The following KPNB1 variants were observed in gnomAD, a reference collection of about 807,000 sequenced individuals.
The protein encoded by KPNB1 is importin subunit beta-1.
KPNB1 carries 7 observed loss-of-function variants against 113.0 expected under a neutral mutation model. The observed-to-expected ratio is 0.06, with a 90% CI of 0.04 to 0.12. The LOEUF (loss-of-function observed/expected upper bound fraction) is 0.12. Among genes scored for constraint, KPNB1 ranks in the 10% least tolerant of loss-of-function variants. The pLI, the probability that KPNB1 is intolerant of heterozygous loss-of-function variation, is 1.00. For synonymous variants in KPNB1, 363 were observed against 378.6 expected, an observed-to-expected ratio of 0.96 and a Z score of 0.48; for missense variants, 400 against 1,054.8, an observed-to-expected ratio of 0.38 and a Z score of 8.60.
chr17:47,655,596 G>A (rs1915695949), intron 3 of KPNB1, among the ~76,000 whole-genome samples: 2 of 152,142 alleles, frequency 1.3e-5, no homozygotes, highest in African/African-American at 4.8e-5. Flanking sequence ...TTCAGCCCAC[G>A]TCTCATGAGT....
At chr17:47,676,938 G>A (rs1265959226) in intron 16 of KPNB1, 82 bp from the exon 17 acceptor site, 1 of 1,034,514 alleles carries the variant, frequency 9.7e-7, no homozygotes, top group Non-Finnish European at 1.5e-6. Flanking sequence ...AGTGATAAAA[G>A]CTCAGCAGCT....
rs370079188 is a variant in KPNB1 at position 47,649,930 on chromosome 17, C to T, written c.-315C>T. 409 of 1,281,320 alleles carry T rather than the reference C, an allele frequency of 3.2e-4. 5 individuals are homozygous for T. The highest frequency in any genetic ancestry group is 2.5e-3 in the South Asian group (108 of 42,984). The allele number at this position is 1,281,320 out of a possible 1,614,324, so 79.4% of individuals were successfully genotyped here. On this transcript the variant is annotated 5_prime_UTR_variant, in exon 1 of 22. Transcript: ENST00000290158. ...CTCCCTCCCTCGCTCCCTCCCTGCG[C>T]GCCGCCTCTCACTCACAGCCTCCCT...
chr17:47,667,197 C>G (rs1033153358), intron 9 of KPNB1, among the ~76,000 whole-genome samples: 1 of 152,122 alleles, frequency 6.6e-6, no homozygotes, highest in Non-Finnish European at 1.5e-5. Flanking sequence ...GCGGTCTTGG[C>G]TCACTACAAC....
At chr17:47,671,732 T>C (rs2030454386) in intron 12 of KPNB1, 1 of 151,872 alleles carries the variant, frequency 6.6e-6, no homozygotes, top group Non-Finnish European at 1.5e-5. Context: ...TTCACCATGT[T>C]GGACAGGATG....
At chr17:47,661,023 G>C (rs376894108) in intron 5 of KPNB1, 96 bp from the exon 6 acceptor site, 9 of 904,588 alleles carry the variant, frequency 9.9e-6, no homozygotes, top group East Asian at 2.6e-5. Context: ...GGGCCCTGAG[G>C]GGGAGTGAGA....
At chr17:47,668,734 GT>G (rs1448563695) in intron 10 of KPNB1, among the ~76,000 whole-genome samples, 1 of 152,008 alleles carries the variant, frequency 6.6e-6, no homozygotes. Flanking sequence ...TGTGCAGATT[GT>G]TTTATAACTT....
chr17:47,677,906 A>G (rs2030661775), intron 17 of KPNB1, 140 bp from the exon 18 acceptor site: 1 of 806,342 alleles, frequency 1.2e-6, no homozygotes, highest in Non-Finnish European at 2.0e-6. Flanking sequence ...TGTGAGGTGC[A>G]AATGGGAAAG....
chr17:47,670,756 C>G lies in KPNB1; in HGVS notation c.1471C>G (p.Gln491Glu). The G allele has an allele frequency of 6.2e-7, 1 of 1,613,324 alleles. No individual in the cohort carries two copies. The highest frequency in any genetic ancestry group is 8.5e-7 in the Non-Finnish European group (1 of 1,179,314). The change falls in exon 12 of 22, where the codon CAG becomes GAG. Residue 491 changes from glutamine to glutamate, a missense_variant. Coordinates refer to ENST00000290158, the MANE Select transcript of KPNB1 (RefSeq NM_002265.6). ...AYEAADVADD[Q>E]EEPATYCLSS... ...TGAAGCTGCAGACGTTGCTGATGAT[C>G]AGGAAGAACCAGCTACTTACTGCTT...
intron 17 of KPNB1, 25 bp from the exon 18 acceptor site, chr17:47,678,021 C>A: frequency 6.2e-7 from 1 of 1,601,968 alleles, no homozygotes; most frequent in South Asian, 1.1e-5. Context: ...TGACTTAATT[C>A]ACTTTTCCTT....
At chr17:47,651,205 G>T in intron 2 of KPNB1, 2 of 985,150 alleles carry the variant, frequency 2.0e-6, no homozygotes, top group Non-Finnish European at 2.4e-6. Context: ...AATTTAAGGG[G>T]TCCGGAGAAA....
rs1343778365 is a variant in KPNB1, at chr17:47,673,129, C to T, written c.1659C>T (p.Val553=). 4 of 1,614,156 alleles carry T rather than the reference C, an allele frequency of 2.5e-6. No homozygotes were observed. Among genetic ancestry groups the T allele is most frequent in the Non-Finnish European group, 3.4e-6 (4 of 1,180,030 alleles). ...CYPAVQKTTL[V]IMERLQQVLQ... is the part of the protein sequence containing the mutation. Reference sequence around the variant, plus strand: ...CTGCTGTCCAGAAAACGACTTTGGTCATCATGGAACGACTGCAACAGGTTC... The same window carrying T: ...CTGCTGTCCAGAAAACGACTTTGGTTATCATGGAACGACTGCAACAGGTTC... The change falls in exon 13 of 22, where the codon GTC becomes GTT. Residue 553 remains valine, a synonymous_variant. Transcript: ENST00000290158.
chr17:47,669,943 G>C, intron 11 of KPNB1, 74 bp downstream of exon 11: 1 of 1,075,260 alleles, frequency 9.3e-7, no homozygotes, highest in Non-Finnish European at 1.4e-6. Context: ...GTGTGGGAGA[G>C]AAATCAATCT....
rs182029250 is a variant in KPNB1, at chr17:47,680,886, C to T, written c.2630+217C>T. Among the ~76,000 whole-genome samples, 950 of 152,320 alleles carry T rather than the reference C, an allele frequency of 6.2e-3. 10 individuals are homozygous for T. Among genetic ancestry groups the T allele is most frequent in the South Asian group, 0.017 (83 of 4,828 alleles). On this transcript the variant is annotated intron_variant, in intron 21 of 21. Transcript: ENST00000290158. ...GAGCAGAACTTTTAAAACTGGAATT[C>T]ACTGAAATTCCCTGAGTATTTTGGG...
intron 9 of KPNB1, 51 bp from the exon 10 acceptor site, chr17:47,668,135 T>C: frequency 6.7e-7 from 1 of 1,495,496 alleles, no homozygotes; most frequent in Non-Finnish European, 9.3e-7. Flanking sequence ...CCTTTAGAGT[T>C]AAAATGATTC....
In KPNB1 at chr17:47,665,138, A is replaced by T. The variant is rs761316360; in HGVS notation, c.979A>T (p.Thr327Ser). The change falls in exon 9 of 22, where the codon ACA becomes TCA. Residue 327 changes from threonine (T) to serine (S), a missense_variant. Transcript: ENST00000290158. ...ACTACAGTATCTGGTTCCAATCCTCACACAGACACTAACTAAACAGGTGAG... is the reference window on the plus strand; with the variant it reads ...ACTACAGTATCTGGTTCCAATCCTCTCACAGACACTAACTAAACAGGTGAG... ...GALQYLVPIL[T>S]QTLTKQDEND... The T allele has an allele frequency of 6.2e-7, 1 of 1,613,774 alleles. No homozygotes were observed. The highest frequency in any genetic ancestry group is 8.5e-7 in the Non-Finnish European group (1 of 1,179,648).
At chr17:47,678,014 C>T in intron 17 of KPNB1, 32 bp from the exon 18 acceptor site, 1 of 1,599,582 alleles carries the variant, frequency 6.3e-7, no homozygotes, top group East Asian at 2.2e-5. Flanking sequence ...CAAGTTTTGA[C>T]TTAATTCACT....
In KPNB1 at chr17:47,682,367, A is replaced by G. The variant is rs781536713; in HGVS notation, c.*-37A>G. ...TTATTGGCTCTGTTGGGTATATGTG[A>G]TCTCAAAGATTGACCTTTTTTTCCA... On this transcript the variant is annotated intron_variant, in intron 21 of 21. Coordinates refer to ENST00000290158, the MANE Select transcript of KPNB1 (RefSeq NM_002265.6). The G allele has an allele frequency of 3.8e-5, 30 of 780,894 alleles. 1 individual carries two copies. The South Asian group carries it at 3.9e-4, about 10-fold the overall frequency. 48.4% of individuals were successfully genotyped at this position (780,894 alleles called of 1,614,324 possible). A position where few individuals can be genotyped will look rare whatever the true frequency, so the allele number is the denominator to read the frequency against.
chr17:47,667,023 T>A (rs550635544), intron 9 of KPNB1, among the ~76,000 whole-genome samples: 2 of 152,242 alleles, frequency 1.3e-5, no homozygotes, highest in Non-Finnish European at 2.9e-5. Flanking sequence ...CTATGTGGTG[T>A]GAATGGCCAC....
intron 5 of KPNB1, among the ~76,000 whole-genome samples, chr17:47,659,249 T>A (rs1006628008): frequency 5.3e-5 from 8 of 152,136 alleles, no homozygotes; most frequent in African/African-American, 1.9e-4. Context: ...CTCAGGAGGC[T>A]GAGGCAGGAG....
Sources: gnomAD v4.1 joint callset for allele counts (sites outside exome capture counted in the v4.1 genomes callset) on GRCh38, gnomAD v4.1.1 for gene constraint, MANE v1.5 for transcripts, NCBI Gene and HGNC (gene_info 2026-07-23, HGNC 2026-07-21) for gene names.